Variants in RAPGEF1 observed in about 807,000 individuals in gnomAD.
The protein encoded by RAPGEF1 is Rap guanine nucleotide exchange factor 1.
Under a neutral mutation model 143.3 loss-of-function variants are expected in RAPGEF1, and 33 were observed. That is an observed-to-expected ratio of 0.23 (90% confidence interval 0.17 to 0.31). The LOEUF is 0.31. Ranked by LOEUF, RAPGEF1 falls within the 10% of genes least tolerant of loss-of-function variation. RAPGEF1 has a pLI of 1.00. For synonymous variants in RAPGEF1, 629 were observed against 676.5 expected (o/e 0.93, Z 1.09); for missense variants, 1,199 against 1,645.4 (o/e 0.73, Z 4.69).
chr9:131,687,598 T>C (rs1321799224), intron 1 of RAPGEF1, among the ~76,000 whole-genome samples: 1 of 152,204 alleles, frequency 6.6e-6, no homozygotes. Context: ...AGGTGGTCCT[T>C]GGCTTTTAAT....
intron 1 of RAPGEF1, among the ~76,000 whole-genome samples, chr9:131,698,998 G>T (rs538344416): frequency 6.6e-6 from 1 of 152,262 alleles, no homozygotes; most frequent in South Asian, 2.1e-4. Context: ...TCTCTCGTCC[G>T]GCAATTCTCC....
chr9:131,617,526 C>T (rs995007813), intron 12 of RAPGEF1, among the ~76,000 whole-genome samples: 2 of 152,214 alleles, frequency 1.3e-5, no homozygotes, highest in African/African-American at 4.8e-5. Flanking sequence ...TTGGATAAGT[C>T]TTTAAAAGTC....
At chr9:131,651,847 C>T (rs1971156415) in intron 1 of RAPGEF1, among the ~76,000 whole-genome samples, 1 of 152,156 alleles carries the variant, frequency 6.6e-6, no homozygotes, top group Non-Finnish European at 1.5e-5. Context: ...ATGGGATAGC[C>T]TACTACACAC....
At chr9:131,625,440 A>C (rs1962672151) in intron 10 of RAPGEF1, among the ~76,000 whole-genome samples, 1 of 152,234 alleles carries the variant, frequency 6.6e-6, no homozygotes. Flanking sequence ...CCTGCTGGGC[A>C]ACCCCAGCTT....
rs779538227 is a variant in RAPGEF1, at chr9:131,629,148, C to T, written c.847G>A (p.Ala283Thr). 2.7e-5 allele frequency: 43 copies of T among 1,613,862 alleles called. No individual in the cohort carries two copies. The highest frequency in any genetic ancestry group is 3.3e-5 in the South Asian group (3 of 91,084). The change falls in exon 7 of 27, where the codon GCG becomes ACG. Residue 283 changes from alanine (A) to threonine (T), a missense_variant. Ala to Thr is a moderately conservative substitution (Grantham distance 58). Around this residue, in one of 6 missense-constraint regions of RAPGEF1, gnomAD observed 613 missense variants for 710.9 expected, o/e 0.86. Coordinates refer to ENST00000683357, the MANE Select transcript of RAPGEF1 (RefSeq NM_001377935.1). ...LLPDATDEEVAPPKPPLPGIR... is the reference protein window; with the variant it reads ...LLPDATDEEVTPPKPPLPGIR... ...CCAGGCAGAGGAGGCTTGGGGGGCG[C>T]GACCTCTTCATCCGTGGCATCTGGG...
chr9:131,675,287 A>G lies in RAPGEF1; in HGVS notation c.62-24338T>C, dbSNP rs555109152. Among the ~76,000 whole-genome samples the G allele has an allele frequency of 6.6e-6, 1 of 152,286 alleles. No homozygotes were observed. Among genetic ancestry groups the G allele is most frequent in the East Asian group, 1.9e-4 (1 of 5,166 alleles). On this transcript the variant is annotated intron_variant, in intron 1 of 26. Coordinates refer to ENST00000683357, the MANE Select transcript of RAPGEF1 (RefSeq NM_001377935.1). This position sits in a 1 kb window ranked among gnomAD's most constrained non-coding sequence, Gnocchi z 4.6. ...TGGAAGGCCCCAGCCCAGCAGGGTC[A>G]GCTGAACAGGTGACCTGACTCAGGG...
intron 4 of RAPGEF1, among the ~76,000 whole-genome samples, chr9:131,640,752 C>CA (rs1171875806): frequency 1.3e-5 from 2 of 152,168 alleles, no homozygotes; most frequent in African/African-American, 4.8e-5. Flanking sequence ...AAGGACCCCC[C>CA]ACTCCCTGCC....
Position 131,628,942 on chromosome 9 carries a change from G to C in RAPGEF1, c.893+160C>G, listed in dbSNP as rs980368833. The stretch of plus-strand genomic sequence containing the variant: ...CAAGGAGGCCTTCAGGAGAGCTCAG[G>C]GTGGCCAGCGAGGGCCGGCGGGGTG... On this transcript the variant is annotated intron_variant, in intron 7 of 26. Coordinates refer to ENST00000683357, the MANE Select transcript of RAPGEF1 (RefSeq NM_001377935.1). The surrounding 1 kb of genome is among the most constrained non-coding windows in gnomAD (Gnocchi z 5.7). 5.3e-5 allele frequency among the ~76,000 whole-genome samples: 8 copies of C among 152,118 alleles called. No homozygotes were observed. The highest frequency in any genetic ancestry group is 8.8e-5 in the Non-Finnish European group (6 of 68,012).
Position 131,630,228 on chromosome 9 carries a change from G to T in RAPGEF1, c.740+8C>A, listed in dbSNP as rs763381106. The T allele has an allele frequency of 6.2e-7, 1 of 1,613,240 alleles. No homozygotes were observed. The highest frequency in any genetic ancestry group is 8.5e-7 in the Non-Finnish European group (1 of 1,179,360). On this transcript the variant is annotated splice_region_variant and intron_variant, in intron 6 of 26. Transcript: ENST00000683357. ...ACACCCGCGACACGAGGGTTAGTCAGCACCTACCCATCAGGCTTGCTGGCA... is the reference window on the plus strand; with the variant it reads ...ACACCCGCGACACGAGGGTTAGTCATCACCTACCCATCAGGCTTGCTGGCA...
At position 131,604,038 on chromosome 9, in the gene RAPGEF1, C is replaced by T. The variant is rs1324918715; in HGVS notation, c.2335G>A (p.Glu779Lys). ...ACATATTCACCCTCACCAGCTTCCT[C>T]ACTGGCGTTTTCACTCTGGGGGAGA... ...SFTDSSENAS[E>K]EAGEGEYVNL... The change falls in exon 14 of 27, where the codon GAG (glutamate) becomes AAG (lysine). Residue 779 changes from glutamate to lysine, a missense_variant. By Grantham distance (56) the Glu-to-Lys change is moderately conservative. Coordinates refer to ENST00000683357, the MANE Select transcript of RAPGEF1 (RefSeq NM_001377935.1). The T allele has an allele frequency of 3.6e-5, 48 of 1,333,722 alleles. No individual in the cohort carries two copies. In the Admixed American group the frequency reaches 9.5e-4, roughly 26 times the overall value. The allele number at this position is 1,333,722 out of a possible 1,614,324, so 82.6% of individuals were successfully genotyped here. A position where few individuals can be genotyped will look rare whatever the true frequency, so the allele number is the denominator to read the frequency against.
chr9:131,601,115 T>A (rs1263405509), intron 15 of RAPGEF1, among the ~76,000 whole-genome samples: 1 of 137,408 alleles, frequency 7.3e-6, no homozygotes, highest in Admixed American at 8.8e-5. Flanking sequence ...GAAGTTGCAG[T>A]GAGCCGAGAT....
intron 1 of RAPGEF1, among the ~76,000 whole-genome samples, chr9:131,735,597 T>C (rs1355757642): frequency 1.3e-5 from 2 of 152,122 alleles, no homozygotes; most frequent in South Asian, 2.1e-4. Flanking sequence ...AATGAGTCAA[T>C]GAAGGGATGG....
chr9:131,609,481 G>A (rs1400768142), intron 12 of RAPGEF1, among the ~76,000 whole-genome samples: 1 of 152,082 alleles, frequency 6.6e-6, no homozygotes, highest in Non-Finnish European at 1.5e-5. Context: ...CACCAAATCT[G>A]CAGAGTTCCT....
chr9:131,668,786 GATGGTA>G (rs2130725379), intron 1 of RAPGEF1, among the ~76,000 whole-genome samples: 1 of 152,360 alleles, frequency 6.6e-6, no homozygotes, highest in Admixed American at 6.5e-5. Context: ...AAAAAAGAGT[GATGGTA>G]AAATAACAGT....
chr9:131,621,789 C>CA lies in RAPGEF1; in HGVS notation c.1905+6dup. On this transcript the variant is annotated splice_region_variant and intron_variant, in intron 11 of 26. Transcript: ENST00000683357. This position sits in a 1 kb window ranked among gnomAD's most constrained non-coding sequence, Gnocchi z 4.5. ...AAGTTCTAGTCACAAGGGAAGGTGTCACTCACCAGCTGCCGCTGCTTGGGG... is the reference window on the plus strand; with the variant it reads ...AAGTTCTAGTCACAAGGGAAGGTGTCAACTCACCAGCTGCCGCTGCTTGGGG... The CA allele has an allele frequency of 6.3e-6, 10 of 1,597,130 alleles. No homozygotes were observed. The highest frequency in any genetic ancestry group is 8.5e-6 in the Non-Finnish European group (10 of 1,172,560).
At chr9:131,663,538 T>C (rs1829936400) in intron 1 of RAPGEF1, among the ~76,000 whole-genome samples, 1 of 151,696 alleles carries the variant, frequency 6.6e-6, no homozygotes. Context: ...TTCCCTTATC[T>C]AGTCTGGAGG....
At chr9:131,594,477 C>T (rs916994755) in intron 17 of RAPGEF1, among the ~76,000 whole-genome samples, 3 of 152,158 alleles carry the variant, frequency 2.0e-5, no homozygotes, top group African/African-American at 4.8e-5. Flanking sequence ...CACCCCCACA[C>T]GGCCTCTCCC....
chr9:131,706,356 A>C (rs1254983049), intron 1 of RAPGEF1, among the ~76,000 whole-genome samples: 1 of 151,802 alleles, frequency 6.6e-6, no homozygotes, highest in South Asian at 2.1e-4. Flanking sequence ...TCCGCCTCCT[A>C]GGTTCAAGCA....
At chr9:131,614,151 A>G (rs1958509845) in intron 12 of RAPGEF1, among the ~76,000 whole-genome samples, 1 of 150,640 alleles carries the variant, frequency 6.6e-6, no homozygotes, top group Non-Finnish European at 1.5e-5. Flanking sequence ...CCCCCCCCCA[A>G]GGAGGGGCTG....
Sources: allele counts gnomAD v4.1 joint callset (sites outside exome capture counted in the v4.1 genomes callset), GRCh38; gene constraint gnomAD v4.1.1; regional missense constraint gnomAD v4.1.1; non-coding constraint Gnocchi (gnomAD v3.1); transcripts MANE v1.5; gene names NCBI Gene and HGNC (gene_info 2026-07-23, HGNC 2026-07-21).